The following MACROH2A2 variants were observed in gnomAD, a reference collection of about 807,000 sequenced individuals.
MACROH2A2 encodes the protein macroH2A.2 histone, also known as core histone macro-H2A.2.
MACROH2A2 carries 6 observed loss-of-function variants against 37.6 expected under a neutral mutation model. That is an observed-to-expected ratio of 0.16 (90% confidence interval 0.09 to 0.32). The LOEUF (loss-of-function observed/expected upper bound fraction) is 0.32. Ranked by LOEUF, MACROH2A2 falls within the 10% of genes least tolerant of loss-of-function variation. MACROH2A2 has a pLI of 1.00. For missense variants in MACROH2A2, 290 were observed against 485.9 expected, an observed-to-expected ratio of 0.60 and a Z score of 3.79; for synonymous variants, 192 against 202.7, an observed-to-expected ratio of 0.95 and a Z score of 0.45.
At chr10:70,097,046 A>G (rs369686706) in intron 6 of MACROH2A2, among the ~76,000 whole-genome samples, 81 of 152,284 alleles carry the variant, frequency 5.3e-4, no homozygotes, top group African/African-American at 1.9e-3. Flanking sequence ...GAAAAATAAT[A>G]TGCTTCTTTT....
Position 70,053,654 on chromosome 10 carries a change from C to T in MACROH2A2, c.-60+654C>T, listed in dbSNP as rs2136611139. Among the ~76,000 whole-genome samples the T allele has an allele frequency of 6.6e-6, 1 of 151,202 alleles. No homozygotes were observed. The highest frequency in any genetic ancestry group is 3.4e-3 in the Middle Eastern group (1 of 290). On this transcript the variant is annotated intron_variant, in intron 1 of 8. Coordinates refer to ENST00000373255, the MANE Select transcript of MACROH2A2 (RefSeq NM_018649.3). The surrounding 1 kb of genome is among the most constrained non-coding windows in gnomAD (Gnocchi z 4.8). ...GGTTGCTGCGCGGACACCCGGGCGCCGCGGGCGGGCGTGCGCCCCGGGGCC... is the reference window on the plus strand; with the variant it reads ...GGTTGCTGCGCGGACACCCGGGCGCTGCGGGCGGGCGTGCGCCCCGGGGCC...
In MACROH2A2 at chr10:70,078,199, G is replaced by A. The variant is rs149916346; in HGVS notation, c.172+2369G>A. On this transcript the variant is annotated intron_variant, in intron 2 of 8. Coordinates refer to ENST00000373255, the MANE Select transcript of MACROH2A2 (RefSeq NM_018649.3). ...TCCTGTTCGTTCATCCATTCAAAGAGCATTTGTTGAGCATCTCCACGTCAG... is the reference window on the plus strand; with the variant it reads ...TCCTGTTCGTTCATCCATTCAAAGAACATTTGTTGAGCATCTCCACGTCAG... Among the ~76,000 whole-genome samples the A allele has an allele frequency of 4.6e-5, 7 of 152,350 alleles. No homozygotes were observed. In the East Asian group the frequency reaches 1.3e-3, roughly 29 times the overall value.
At chr10:70,093,552 G>A (rs1039122931) in intron 4 of MACROH2A2, among the ~76,000 whole-genome samples, 183 bp from the exon 5 acceptor site, 2 of 152,166 alleles carry the variant, frequency 1.3e-5, no homozygotes, top group African/African-American at 4.8e-5. Context: ...GCTATTTTGC[G>A]GTACCCTTTT....
At chr10:70,070,831 T>G (rs1324477331) in intron 1 of MACROH2A2, among the ~76,000 whole-genome samples, 1 of 152,240 alleles carries the variant, frequency 6.6e-6, no homozygotes, top group Non-Finnish European at 1.5e-5. Context: ...AGTCACTTGC[T>G]TTTCTTATAC....
In MACROH2A2 at chr10:70,105,372, C is replaced by A. The variant is rs539416853; in HGVS notation, c.779-3661C>A. Among the ~76,000 whole-genome samples the A allele has an allele frequency of 1.8e-4, 28 of 152,206 alleles. 1 individual carries two copies. The highest frequency in any genetic ancestry group is 3.7e-4 in the Non-Finnish European group (25 of 68,046). ...ACAGTACATCACTTAGCACAGCTGG[C>A]TGCTGAATTGCATGGCAGAGGCCCG... On this transcript the variant is annotated intron_variant, in intron 7 of 8. Coordinates refer to ENST00000373255, the MANE Select transcript of MACROH2A2 (RefSeq NM_018649.3).
In MACROH2A2 at chr10:70,091,828, G is replaced by A; in HGVS notation, c.351G>A (p.Lys117=). The A allele has an allele frequency of 6.2e-7, 1 of 1,614,098 alleles. No homozygotes were observed. The highest frequency in any genetic ancestry group is 8.5e-7 in the Non-Finnish European group (1 of 1,180,014). ...PRIHPELLAK[K]RGTKGKSETI... ...TTCACCCCGAACTGCTGGCCAAAAA[G>A]CGAGGGACCAAAGGCAAGTCGGAAA... The change falls in exon 4 of 9, where the codon AAG becomes AAA. Residue 117 remains lysine (K), a synonymous_variant. Coordinates refer to ENST00000373255, the MANE Select transcript of MACROH2A2 (RefSeq NM_018649.3).
intron 1 of MACROH2A2, among the ~76,000 whole-genome samples, chr10:70,054,651 T>C (rs1384185201): frequency 1.3e-5 from 2 of 152,238 alleles, no homozygotes; most frequent in African/African-American, 4.8e-5. Flanking sequence ...AAGCTACACA[T>C]AATTCTCAAT....
In MACROH2A2 at chr10:70,077,754, GT is replaced by G. The variant is rs1192631100; in HGVS notation, c.172+1926del. On this transcript the variant is annotated intron_variant, in intron 2 of 8. Coordinates refer to ENST00000373255, the MANE Select transcript of MACROH2A2 (RefSeq NM_018649.3). The stretch of plus-strand genomic sequence containing the variant: ...AATAAAAATAAAAAATAAAATGCAA[GT>G]TCCTAGATATACTCTCAAAGGGTCT... 9.2e-5 allele frequency among the ~76,000 whole-genome samples: 14 copies of G among 152,294 alleles called. No homozygotes were observed. In the East Asian group the frequency reaches 2.1e-3, roughly 23 times the overall value.
At position 70,075,222 on chromosome 10, in the gene MACROH2A2, G is replaced by C. The variant is rs368705087; in HGVS notation, c.-59-378G>C. Among the ~76,000 whole-genome samples, 12 of 152,304 alleles carry C rather than the reference G, an allele frequency of 7.9e-5. No homozygotes were observed. The East Asian group carries it at 1.3e-3, about 17-fold the overall frequency. ...AAACCTCCCCATCTCAAGACCCTTA[G>C]CTTAATCCCATCTGCAAAGTCTCTG... On this transcript the variant is annotated intron_variant, in intron 1 of 8. Coordinates refer to ENST00000373255, the MANE Select transcript of MACROH2A2 (RefSeq NM_018649.3). This position sits in a 1 kb window ranked among gnomAD's most constrained non-coding sequence, Gnocchi z 5.0.
intron 1 of MACROH2A2, among the ~76,000 whole-genome samples, chr10:70,070,811 C>T (rs550756735): frequency 3.9e-5 from 6 of 152,180 alleles, no homozygotes; most frequent in Non-Finnish European, 5.9e-5. Flanking sequence ...TTTAGGCATC[C>T]GTCCCCTAAA....
chr10:70,085,135 G>A (rs2072203154), intron 2 of MACROH2A2, among the ~76,000 whole-genome samples: 1 of 152,204 alleles, frequency 6.6e-6, no homozygotes, highest in Non-Finnish European at 1.5e-5. Context: ...GGGAGTGGGA[G>A]AGGGAAGGAT....
chr10:70,104,691 G>A (rs1025191007), intron 7 of MACROH2A2, among the ~76,000 whole-genome samples: 1 of 152,090 alleles, frequency 6.6e-6, no homozygotes. Flanking sequence ...AACAGAAAAA[G>A]AATTTGAACC....
At chr10:70,069,395 A>T (rs1175582674) in intron 1 of MACROH2A2, among the ~76,000 whole-genome samples, 1 of 152,134 alleles carries the variant, frequency 6.6e-6, no homozygotes, top group Non-Finnish European at 1.5e-5. Flanking sequence ...AAATGCTCTG[A>T]TCCACTCTAC....
intron 1 of MACROH2A2, among the ~76,000 whole-genome samples, chr10:70,061,236 C>T (rs998683665): frequency 6.6e-6 from 1 of 152,140 alleles, no homozygotes; most frequent in Admixed American, 6.5e-5. Context: ...AAGAAGAGAC[C>T]AGGCTGGACC....
rs747788278 is a variant in MACROH2A2, at chr10:70,095,725, A to G, written c.660A>G (p.Thr220=). 18 of 1,589,078 alleles carry G rather than the reference A, an allele frequency of 1.1e-5. No homozygotes were observed. The highest frequency in any genetic ancestry group is 1.6e-5 in the Non-Finnish European group (18 of 1,157,128). Residue 220 remains threonine (T), a synonymous_variant, in exon 6 of 9, where the codon ACA becomes ACG. Coordinates refer to ENST00000373255, the MANE Select transcript of MACROH2A2 (RefSeq NM_018649.3). ...TGGAGGGCATTGTCCACCCAACCAC[A>G]GCCGAAATTGACCTCAAAGAAGATA... ...MRVEGIVHPT[T]AEIDLKEDIG... is the part of the protein sequence containing the mutation.
At chr10:70,087,713 A>G (rs762931264) in intron 2 of MACROH2A2, among the ~76,000 whole-genome samples, 8 of 151,974 alleles carry the variant, frequency 5.3e-5, no homozygotes, top group Non-Finnish European at 1.0e-4. Context: ...GCATGCTCAC[A>G]CTCCTCAAAT....
intron 7 of MACROH2A2, among the ~76,000 whole-genome samples, 159 bp from the exon 8 acceptor site, chr10:70,108,874 T>C (rs1172766514): frequency 6.6e-6 from 1 of 152,154 alleles, no homozygotes; most frequent in Non-Finnish European, 1.5e-5. Flanking sequence ...CAGCTCTTGC[T>C]CTCGTTAAAC....
rs980499159 is a variant in MACROH2A2, at chr10:70,107,716, G to A, written c.779-1317G>A. On this transcript the variant is annotated intron_variant, in intron 7 of 8. Coordinates refer to ENST00000373255, the MANE Select transcript of MACROH2A2 (RefSeq NM_018649.3). The surrounding 1 kb of genome is among the most constrained non-coding windows in gnomAD (Gnocchi z 4.4). ...CTGGCCTAATTCAGTTTCACAGCCCGCTTTTGAAACCCCACTCTCTGCAGG... is the reference window on the plus strand; with the variant it reads ...CTGGCCTAATTCAGTTTCACAGCCCACTTTTGAAACCCCACTCTCTGCAGG... 1.3e-5 allele frequency among the ~76,000 whole-genome samples: 2 copies of A among 152,168 alleles called. No homozygotes were observed. Among genetic ancestry groups the A allele is most frequent in the African/African-American group, 2.4e-5 (1 of 41,434 alleles).
intron 2 of MACROH2A2, among the ~76,000 whole-genome samples, chr10:70,082,416 CAAAA>C (rs540113997): frequency 8.3e-6 from 1 of 120,920 alleles, no homozygotes. Flanking sequence ...GAAACTGTGT[CAAAA>C]AAAAAAAAAA....
Sources: gnomAD v4.1 joint callset for allele counts (sites outside exome capture counted in the v4.1 genomes callset) on GRCh38, gnomAD v4.1.1 for gene constraint, Gnocchi (gnomAD v3.1) non-coding constraint, MANE v1.5 for transcripts, NCBI Gene and HGNC (gene_info 2026-07-23, HGNC 2026-07-21) for gene names.